TMEM178B: variants seen among roughly 807,000 people sequenced by gnomAD.
TMEM178B encodes transmembrane protein 178B.
TMEM178B carries 5 observed loss-of-function variants against 31.0 expected under a neutral mutation model. The ratio of observed to expected loss-of-function variants is 0.16; its 90% CI spans 0.08 to 0.34. TMEM178B has a LOEUF of 0.34. Ranked by LOEUF, TMEM178B falls within the 10% of genes least tolerant of loss-of-function variation. The probability of loss-of-function intolerance (pLI) is 1.00; values close to 1 mark genes in which losing one functional copy is unlikely to be tolerated. For synonymous variants in TMEM178B, 164 were observed against 164.0 expected, an observed-to-expected ratio of 1.00 and a Z score of 0.00; for missense variants, 275 against 400.3, an observed-to-expected ratio of 0.69 and a Z score of 2.67.
chr7:141,245,185 AAAAAAAAAAAAAAAAAAAAAAAAAAG>A (rs1797706644), intron 2 of TMEM178B, among the ~76,000 whole-genome samples: 1 of 116,386 alleles, frequency 8.6e-6, no homozygotes, highest in Non-Finnish European at 1.7e-5. Context: ...AAAAAAAAAA[AAAAAAAAAAAAAAAAAAAAAAAAAAG>A]AAGGATGCAC....
chr7:141,123,905 A>G (rs1449633986), intron 1 of TMEM178B, among the ~76,000 whole-genome samples: 2 of 152,048 alleles, frequency 1.3e-5, no homozygotes, highest in African/African-American at 4.8e-5. Flanking sequence ...GGCGCACAAC[A>G]CCAAGCCTGG....
At chr7:141,211,791 A>G (rs1036488008) in intron 1 of TMEM178B, among the ~76,000 whole-genome samples, 2 of 152,194 alleles carry the variant, frequency 1.3e-5, no homozygotes, top group Non-Finnish European at 2.9e-5. Flanking sequence ...AGTGTGTAAT[A>G]AAATCCCTGG....
intron 1 of TMEM178B, among the ~76,000 whole-genome samples, chr7:141,131,735 C>G (rs1795599000): frequency 6.6e-6 from 1 of 152,036 alleles, no homozygotes; most frequent in Non-Finnish European, 1.5e-5. Flanking sequence ...TAGTTTTGGG[C>G]TATTTTGAAT....
At chr7:141,499,537 G>T in the TMEM178B span, among the ~76,000 whole-genome samples, 1 of 151,744 alleles carries the variant, frequency 6.6e-6, no homozygotes. Flanking sequence ...TACTCAGGAG[G>T]CTGAGGTGGG....
chr7:141,460,780 C>T (rs1802046465), intron 3 of TMEM178B, among the ~76,000 whole-genome samples: 1 of 152,212 alleles, frequency 6.6e-6, no homozygotes. Flanking sequence ...GCAGAGTCCT[C>T]CTGGAGTCTT....
chr7:141,493,199 T>C, the TMEM178B span, among the ~76,000 whole-genome samples: 1 of 152,142 alleles, frequency 6.6e-6, no homozygotes, highest in Admixed American at 6.5e-5. Context: ...CTCCGCAGTC[T>C]CTCCCCTCCT....
At chr7:141,341,338 A>C (rs927514009) in intron 2 of TMEM178B, among the ~76,000 whole-genome samples, 1 of 152,190 alleles carries the variant, frequency 6.6e-6, no homozygotes, top group African/African-American at 2.4e-5. Flanking sequence ...TGGTTTACTG[A>C]GCCGGGAAGG....
chr7:141,181,782 A>C (rs995531389), intron 1 of TMEM178B, among the ~76,000 whole-genome samples: 9 of 152,140 alleles, frequency 5.9e-5, no homozygotes, highest in Non-Finnish European at 1.3e-4. Flanking sequence ...TTATTTCCTG[A>C]AAACTCTTGG....
chr7:141,483,964 G>C (rs542248817), downstream of TMEM178B, among the ~76,000 whole-genome samples: 1 of 151,930 alleles, frequency 6.6e-6, no homozygotes, highest in Non-Finnish European at 1.5e-5. Context: ...TCGAACTCCC[G>C]ATCTCAGGTG....
intron 1 of TMEM178B, among the ~76,000 whole-genome samples, chr7:141,175,314 G>T (rs982827483): frequency 6.6e-6 from 1 of 152,046 alleles, no homozygotes; most frequent in Non-Finnish European, 1.5e-5. Flanking sequence ...CTGTTCCATT[G>T]GTCTATATAT....
chr7:141,179,695 G>A (rs900278468), intron 1 of TMEM178B, among the ~76,000 whole-genome samples: 4 of 152,216 alleles, frequency 2.6e-5, no homozygotes, highest in Non-Finnish European at 5.9e-5. Context: ...GAAGGGTGAG[G>A]TTGAGGGGAA....
Position 141,470,701 on chromosome 7 carries a change from T to C in TMEM178B, c.800T>C (p.Phe267Ser). Residue 267 changes from phenylalanine to serine, a missense_variant, in exon 4 of 4, where the codon TTC becomes TCC. Phe to Ser is a radical substitution (Grantham distance 155, BLOSUM62 -2). Coordinates refer to ENST00000565468, the MANE Select transcript of TMEM178B (RefSeq NM_001195278.2). ...CTGGGCCTCACACTCATCTCGGGAT[T>C]CTTCTGTACCTTAGCCCCTTCTGTT... ...GGLGLTLISG[F>S]FCTLAPSVQP... 6.5e-7 allele frequency: 1 copy of C among 1,535,664 alleles called. No homozygotes were observed. The highest frequency in any genetic ancestry group is 8.7e-7 in the Non-Finnish European group (1 of 1,146,818).
chr7:141,329,479 G>A (rs561007362), intron 2 of TMEM178B, among the ~76,000 whole-genome samples: 8 of 152,248 alleles, frequency 5.3e-5, no homozygotes, highest in South Asian at 2.1e-4. Flanking sequence ...CTTTTGTCCC[G>A]AGGCTTATCA....
At chr7:141,264,943 A>G (rs771597654) in intron 2 of TMEM178B, among the ~76,000 whole-genome samples, 6 of 152,226 alleles carry the variant, frequency 3.9e-5, no homozygotes, top group Admixed American at 1.3e-4. Context: ...GCACTGTTAC[A>G]TTATTTACCA....
intron 2 of TMEM178B, among the ~76,000 whole-genome samples, chr7:141,259,981 G>A (rs962109233): frequency 1.3e-5 from 2 of 152,130 alleles, no homozygotes; most frequent in Non-Finnish European, 2.9e-5. Context: ...TCTCTCCTGA[G>A]TGTGAGCACA....
At chr7:141,491,491 T>G in the TMEM178B span, among the ~76,000 whole-genome samples, 2 of 152,356 alleles carry the variant, frequency 1.3e-5, no homozygotes, top group East Asian at 3.9e-4. Flanking sequence ...ATATTTTTAT[T>G]GAGGGAAAAC....
chr7:141,501,227 C>T, the TMEM178B span, among the ~76,000 whole-genome samples: 8 of 151,924 alleles, frequency 5.3e-5, no homozygotes, highest in East Asian at 7.8e-4. Context: ...AGGTAGGTCT[C>T]GGCGGTGCCC....
chr7:141,233,139 C>G (rs1797473903), intron 2 of TMEM178B, among the ~76,000 whole-genome samples: 1 of 152,214 alleles, frequency 6.6e-6, no homozygotes, highest in Non-Finnish European at 1.5e-5. Context: ...TTGGGAGTCT[C>G]TCCTGTGAAC....
intron 1 of TMEM178B, among the ~76,000 whole-genome samples, chr7:141,108,582 A>G (rs534170908): frequency 1.2e-4 from 19 of 152,270 alleles, no homozygotes; most frequent in Non-Finnish European, 2.1e-4. Context: ...ATGGGGGAGC[A>G]GGTGATGGAG....
Sources: allele counts gnomAD v4.1 joint callset (sites outside exome capture counted in the v4.1 genomes callset), GRCh38; gene constraint gnomAD v4.1.1; transcripts MANE v1.5; gene names NCBI Gene and HGNC (gene_info 2026-07-23, HGNC 2026-07-21).